MYO6: variants seen among roughly 807,000 people sequenced by gnomAD.
The protein encoded by MYO6 is myosin VI, also known as unconventional myosin-VI.
A neutral mutation model predicts 178.7 loss-of-function variants in MYO6; 74 were observed. The observed-to-expected ratio is 0.41, with a 90% CI of 0.34 to 0.50. The LOEUF (loss-of-function observed/expected upper bound fraction) is 0.50. MYO6 is among the 20% of genes least tolerant of loss of function. The pLI, the probability that MYO6 is intolerant of heterozygous loss-of-function variation, is 0.09. For synonymous variants in MYO6, 477 were observed against 504.6 expected (o/e 0.95, Z 0.73); for missense variants, 1,330 against 1,547.4 (o/e 0.86, Z 2.36).
intron 24 of MYO6, 57 bp from the exon 25 acceptor site, chr6:75,886,787 A>AT: frequency 6.5e-7 from 1 of 1,540,278 alleles, no homozygotes; most frequent in Admixed American, 1.7e-5. Context: ...TAAATGAAAA[A>AT]TCTGCCAAAA....
intron 34 of MYO6, among the ~76,000 whole-genome samples, chr6:75,914,487 A>G (rs899653064): frequency 1.8e-4 from 27 of 152,222 alleles, no homozygotes; most frequent in Admixed American, 1.6e-3. Context: ...TTCTTAGCAC[A>G]TAGAAACTTG....
chr6:75,809,509 A>G (rs1033727592), intron 1 of MYO6, among the ~76,000 whole-genome samples: 4 of 152,170 alleles, frequency 2.6e-5, no homozygotes, highest in Non-Finnish European at 4.4e-5. Flanking sequence ...GTCCTGAGAA[A>G]GTGTGTGTGA....
intron 7 of MYO6, among the ~76,000 whole-genome samples, chr6:75,838,037 A>G (rs1773822869): frequency 6.7e-6 from 1 of 150,296 alleles, no homozygotes; most frequent in African/African-American, 2.4e-5. Flanking sequence ...GTGTTATTCC[A>G]AGTGCTTCTA....
chr6:75,762,057 G>T (rs1304788425), intron 1 of MYO6, among the ~76,000 whole-genome samples: 1 of 151,890 alleles, frequency 6.6e-6, no homozygotes, highest in Non-Finnish European at 1.5e-5. Context: ...TCAGCCTCCT[G>T]AGTAGCTGGA....
At chr6:75,880,931 T>C (rs1321525047) in intron 22 of MYO6, among the ~76,000 whole-genome samples, 2 of 152,188 alleles carry the variant, frequency 1.3e-5, no homozygotes, top group Admixed American at 6.5e-5. Context: ...TGTCACTTAG[T>C]AGCAAAAATT....
At chr6:75,776,875 A>G (rs567237008) in intron 1 of MYO6, among the ~76,000 whole-genome samples, 178 of 152,266 alleles carry the variant, frequency 1.2e-3, no homozygotes, top group African/African-American at 4.2e-3. Context: ...ACTCCATAAA[A>G]TGTTTTACAA....
At chr6:75,889,197 T>C (rs1436545638) in intron 25 of MYO6, among the ~76,000 whole-genome samples, 3 of 152,110 alleles carry the variant, frequency 2.0e-5, no homozygotes, top group Non-Finnish European at 2.9e-5. Flanking sequence ...ATAAATAGAC[T>C]CAGCTGATTT....
At chr6:75,810,228 A>T (rs866356052) in intron 1 of MYO6, among the ~76,000 whole-genome samples, 6 of 152,294 alleles carry the variant, frequency 3.9e-5, no homozygotes, top group South Asian at 2.1e-4. Context: ...TCTCGCCCAG[A>T]TCCATCCTGG....
At chr6:75,873,084 A>C in intron 19 of MYO6, 123 bp from the exon 20 acceptor site, 1 of 791,370 alleles carries the variant, frequency 1.3e-6, no homozygotes, top group South Asian at 1.5e-5. Flanking sequence ...TGAGTTCTTT[A>C]GTAATTACTT....
At chr6:75,888,277 G>A (rs564784659) in intron 25 of MYO6, among the ~76,000 whole-genome samples, 7 of 151,582 alleles carry the variant, frequency 4.6e-5, no homozygotes, top group South Asian at 2.1e-4. Flanking sequence ...GTGAGACTAC[G>A]TCTAAAAATA....
intron 5 of MYO6, among the ~76,000 whole-genome samples, chr6:75,832,498 A>G (rs2150220888): frequency 6.6e-6 from 1 of 152,218 alleles, no homozygotes; most frequent in East Asian, 1.9e-4. Flanking sequence ...TGGGGACTTC[A>G]TTAGTTATGC....
chr6:75,853,177 A>T (rs996097989), intron 11 of MYO6, among the ~76,000 whole-genome samples: 4 of 152,298 alleles, frequency 2.6e-5, no homozygotes, highest in Admixed American at 2.6e-4. Context: ...CCATTTATTA[A>T]TTGGGTTGTC....
In MYO6 at chr6:75,908,565, C is replaced by T; in HGVS notation, c.3350C>T (p.Ser1117Phe). Reference protein sequence around the residue: ...RRLKVYHAWKSKNKKRNTETE... With the variant: ...RRLKVYHAWKFKNKKRNTETE... ...CTAAAAGTGTATCATGCTTGGAAAT[C>T]TAAGAACAAGAAGAGAAATACTGAA... Residue 1117 changes from serine (S) to phenylalanine (F), a missense_variant, in exon 32 of 35, where the codon TCT (serine) becomes TTT (phenylalanine). Physicochemically the swap from Ser to Phe is radical, Grantham distance 155. Coordinates refer to ENST00000369977, the MANE Select transcript of MYO6 (RefSeq NM_004999.4). 2.5e-6 allele frequency: 4 copies of T among 1,613,322 alleles called. No homozygotes were observed. Among genetic ancestry groups the T allele is most frequent in the Non-Finnish European group, 3.4e-6 (4 of 1,179,620 alleles).
intron 30 of MYO6, among the ~76,000 whole-genome samples, chr6:75,903,536 C>T (rs1184576002): frequency 6.6e-6 from 1 of 152,002 alleles, no homozygotes; most frequent in Non-Finnish European, 1.5e-5. Context: ...TTATCAGAGA[C>T]TAGGATTGCA....
At chr6:75,857,509 A>T (rs191551872) in intron 13 of MYO6, among the ~76,000 whole-genome samples, 1 of 152,182 alleles carries the variant, frequency 6.6e-6, no homozygotes, top group Non-Finnish European at 1.5e-5. Context: ...AGAGTTAAGG[A>T]TATCTCTATA....
At chr6:75,799,291 G>A (rs1322684886) in intron 1 of MYO6, among the ~76,000 whole-genome samples, 1 of 151,982 alleles carries the variant, frequency 6.6e-6, no homozygotes, top group African/African-American at 2.4e-5. Flanking sequence ...TAGGGAGGCT[G>A]AGGCAGGAGA....
chr6:75,890,145 A>C lies in MYO6; in HGVS notation c.2747A>C (p.Lys916Thr), dbSNP rs769281387. 1.2e-6 allele frequency: 2 copies of C among 1,614,032 alleles called. No homozygotes were observed. The highest frequency in any genetic ancestry group is 1.7e-6 in the Non-Finnish European group (2 of 1,179,934). The change falls in exon 26 of 35, where the codon AAA (lysine) becomes ACA (threonine). Residue 916 changes from lysine (K) to threonine (T), a missense_variant. Physicochemically the swap from Lys to Thr is moderately conservative, Grantham distance 78 (BLOSUM62 -1). This residue lies in a region of MYO6 where 601 missense variants were observed against 626.1 expected (regional missense o/e 0.96). Coordinates refer to ENST00000369977, the MANE Select transcript of MYO6 (RefSeq NM_004999.4). ...GAACTCCTCAGTGCATTACAGAAAA[A>C]AAAACAGCAGGAAGAGGAAGCAGAA... The part of the protein sequence containing the change: ...SEELLSALQK[K>T]KQQEEEAERL...
At chr6:75,865,357 T>TC (rs1776565608) in intron 16 of MYO6, 1 of 124,858 alleles carries the variant, frequency 8.0e-6, no homozygotes, top group Non-Finnish European at 1.7e-5. Context: ...AATGATGTCT[T>TC]TTTTTTTTTT....
intron 6 of MYO6, 97 bp downstream of exon 6, chr6:75,833,044 TG>T: frequency 1.4e-5 from 11 of 813,448 alleles, no homozygotes; most frequent in Non-Finnish European, 2.1e-5. Flanking sequence ...TGGAATGCAG[TG>T]TCACCACCAC....
Sources: gnomAD v4.1 joint callset for allele counts (sites outside exome capture counted in the v4.1 genomes callset) on GRCh38, gnomAD v4.1.1 for gene constraint, gnomAD v4.1.1 regional missense constraint, MANE v1.5 for transcripts, NCBI Gene and HGNC (gene_info 2026-07-23, HGNC 2026-07-21) for gene names.